Variants in SGK3 observed in about 807,000 individuals in gnomAD.
The protein encoded by SGK3 is serum/glucocorticoid regulated kinase family member 3.
A neutral mutation model predicts 68.5 loss-of-function variants in SGK3; 47 were observed. The ratio of observed to expected loss-of-function variants is 0.69; its 90% CI spans 0.54 to 0.87. The LOEUF (loss-of-function observed/expected upper bound fraction) is 0.87, where lower values mean the gene tolerates loss of function less well. Among genes scored for constraint, SGK3 ranks in the 40% least tolerant of loss-of-function variants. The pLI is 0.00. For synonymous variants in SGK3, 181 were observed against 189.1 expected (o/e 0.96, Z 0.35); for missense variants, 479 against 575.5 (o/e 0.83, Z 1.72).
intron 1 of SGK3, among the ~76,000 whole-genome samples, chr8:66,762,339 T>C (rs1386898401): frequency 6.6e-6 from 1 of 152,064 alleles, no homozygotes; most frequent in African/African-American, 2.4e-5. Flanking sequence ...ACCAACATGG[T>C]GAAATCCCAT....
intron 1 of SGK3, among the ~76,000 whole-genome samples, chr8:66,780,238 T>A (rs1394184749): frequency 2.0e-5 from 3 of 152,176 alleles, no homozygotes; most frequent in African/African-American, 7.2e-5. Flanking sequence ...GAGGCATTGG[T>A]CACTGAACAT....
In SGK3 at chr8:66,767,878, A is replaced by T. The variant is rs141970290; in HGVS notation, c.-121-25738A>T. 2.3e-3 allele frequency: 3,069 copies of T among 1,316,160 alleles called. 9 individuals carry two copies. The highest frequency in any genetic ancestry group is 3.0e-3 in the Non-Finnish European group (2,747 of 909,792). The allele number at this position is 1,316,160 out of a possible 1,614,324, so 81.5% of individuals were successfully genotyped here. On this transcript the variant is annotated intron_variant, in intron 1 of 16. Coordinates refer to ENST00000521198, the MANE Select transcript of SGK3 (RefSeq NM_001033578.3). Reference sequence around the variant, plus strand: ...ATCGAATGTTTTGCCAAAACATGATATTGAAACTTGAGATCTCCCATCTAA... The same window carrying T: ...ATCGAATGTTTTGCCAAAACATGATTTTGAAACTTGAGATCTCCCATCTAA...
intron 5 of SGK3, among the ~76,000 whole-genome samples, chr8:66,816,560 G>T (rs943529894): frequency 1.3e-5 from 2 of 151,800 alleles, no homozygotes; most frequent in East Asian, 3.9e-4. Flanking sequence ...TGGTCAGGTT[G>T]GTCTCAATCT....
intron 1 of SGK3, among the ~76,000 whole-genome samples, chr8:66,724,629 A>G (rs1347017832): frequency 2.6e-5 from 4 of 152,192 alleles, no homozygotes; most frequent in Non-Finnish European, 5.9e-5. Flanking sequence ...CTGAAGTGTA[A>G]ACTAAAGTCT....
At chr8:66,840,924 A>G (rs1310030312) in intron 12 of SGK3, 100 bp from the exon 13 acceptor site, 2 of 782,976 alleles carry the variant, frequency 2.6e-6, no homozygotes, top group Non-Finnish European at 3.7e-6. Context: ...CCTGGGCAAC[A>G]GAGTAAGACT....
intron 10 of SGK3, among the ~76,000 whole-genome samples, chr8:66,836,771 CTTTTTT>C (rs35857638): frequency 0.023 from 2,665 of 118,056 alleles, 65 homozygotes; most frequent in African/African-American, 0.077. Context: ...GTCAGGATAT[CTTTTTT>C]TTTTTTTTTT....
At chr8:66,798,495 T>C (rs763109491) in intron 2 of SGK3, 47 bp from the exon 3 acceptor site, 40 of 1,536,142 alleles carry the variant, frequency 2.6e-5, no homozygotes, top group Middle Eastern at 3.7e-4. Context: ...CTAATGGGTT[T>C]TTTGCAATTA....
intron 4 of SGK3, among the ~76,000 whole-genome samples, chr8:66,812,860 GA>G (rs779085683): frequency 3.9e-5 from 6 of 152,196 alleles, no homozygotes; most frequent in Middle Eastern, 3.2e-3. Context: ...CTAATTCCAA[GA>G]AAAGTGTGTA....
chr8:66,831,336 A>ATGTGGT (rs751802557), intron 8 of SGK3, 25 bp downstream of exon 8: 1 of 1,610,926 alleles, frequency 6.2e-7, no homozygotes, highest in Non-Finnish European at 8.5e-7. Flanking sequence ...TGAGGTTTTT[A>ATGTGGT]TTTGGTTTTG....
intron 13 of SGK3, among the ~76,000 whole-genome samples, chr8:66,841,859 A>C (rs1047094035): frequency 6.6e-6 from 1 of 152,198 alleles, no homozygotes; most frequent in Admixed American, 6.5e-5. Context: ...TAAAAGCTTT[A>C]TTATTCATAC....
At chr8:66,786,214 A>G (rs1368305492) in intron 1 of SGK3, among the ~76,000 whole-genome samples, 1 of 152,182 alleles carries the variant, frequency 6.6e-6, no homozygotes, top group African/African-American at 2.4e-5. Context: ...AAATTTATGA[A>G]CTTTCTTCCC....
At chr8:66,744,494 TATATATATATATATATATATATATA>T (rs1477352112) in intron 1 of SGK3, among the ~76,000 whole-genome samples, 5 of 20,210 alleles carry the variant, frequency 2.5e-4, no homozygotes, top group Admixed American at 1.5e-3. Flanking sequence ...TATATATATA[TATATATATATATATATATATATATA>T]TTTTTTTTTT....
At chr8:66,762,794 A>ATT (rs1360635718) in intron 1 of SGK3, among the ~76,000 whole-genome samples, 1 of 152,190 alleles carries the variant, frequency 6.6e-6, no homozygotes, top group East Asian at 1.9e-4. Flanking sequence ...CAGGTCATTT[A>ATT]GCCTGTAGGA....
chr8:66,835,696 A>T (rs1585790220), intron 8 of SGK3, 67 bp from the exon 9 acceptor site: 2 of 1,511,368 alleles, frequency 1.3e-6, no homozygotes, highest in East Asian at 4.5e-5. Flanking sequence ...TGATGTGTTG[A>T]CAAGTGAATT....
At chr8:66,836,404 A>G (rs981566427) in intron 10 of SGK3, among the ~76,000 whole-genome samples, 4 of 152,200 alleles carry the variant, frequency 2.6e-5, no homozygotes, top group African/African-American at 7.2e-5. Context: ...CAACAGTTGC[A>G]TACAAATATT....
chr8:66,755,738 C>T, intron 1 of SGK3, among the ~76,000 whole-genome samples: 1 of 152,154 alleles, frequency 6.6e-6, no homozygotes, highest in East Asian at 1.9e-4. Flanking sequence ...GCCCTCATGG[C>T]TCTTAGGGTT....
intron 6 of SGK3, among the ~76,000 whole-genome samples, chr8:66,822,910 T>G (rs545597681): frequency 1.1e-3 from 171 of 152,290 alleles, no homozygotes; most frequent in African/African-American, 3.8e-3. Flanking sequence ...CATGAACCAC[T>G]GTGCCCAGGC....
chr8:66,781,232 C>A (rs11990636), intron 1 of SGK3, among the ~76,000 whole-genome samples: 22,997 of 152,106 alleles, frequency 0.15, 3,312 homozygotes, highest in African/African-American at 0.38. Flanking sequence ...GCTGAGAAGG[C>A]TAGGACAGCC....
At chr8:66,730,670 C>A (rs965818372) in intron 1 of SGK3, among the ~76,000 whole-genome samples, 1 of 151,280 alleles carries the variant, frequency 6.6e-6, no homozygotes, top group African/African-American at 2.5e-5. Flanking sequence ...TGTGTATATC[C>A]AGTTGTCTCA....
Sources: allele counts gnomAD v4.1 joint callset (sites outside exome capture counted in the v4.1 genomes callset), GRCh38; gene constraint gnomAD v4.1.1; transcripts MANE v1.5; gene names NCBI Gene and HGNC (gene_info 2026-07-23, HGNC 2026-07-21).